Variants in RANBP17 observed in about 807,000 individuals in gnomAD.
RANBP17 encodes the protein RAN binding protein 17, also known as ran-binding protein 17.
Under a neutral mutation model 141.2 loss-of-function variants are expected in RANBP17, and 158 were observed. That is an observed-to-expected ratio of 1.12 (90% CI 0.98 to 1.28). RANBP17 has a LOEUF of 1.28. Ranked by LOEUF, RANBP17 falls within the 50% of genes most tolerant of loss-of-function variation. RANBP17 has a pLI of 0.00. For synonymous variants in RANBP17, 430 were observed against 450.0 expected, an observed-to-expected ratio of 0.96 and a Z score of 0.56; for missense variants, 1,438 against 1,290.7, an observed-to-expected ratio of 1.11 and a Z score of -1.75.
At chr5:171,075,404 G>A (rs1013353494) in intron 14 of RANBP17, among the ~76,000 whole-genome samples, 1 of 152,056 alleles carries the variant, frequency 6.6e-6, no homozygotes, top group Non-Finnish European at 1.5e-5. Flanking sequence ...CTACAACATG[G>A]GTGAAACTTC....
chr5:171,010,072 G>A (rs1027362956), intron 14 of RANBP17, among the ~76,000 whole-genome samples: 5 of 152,144 alleles, frequency 3.3e-5, no homozygotes, highest in Non-Finnish European at 7.4e-5. Context: ...ATCCCAGAAA[G>A]GAAGGAGCCA....
intron 14 of RANBP17, among the ~76,000 whole-genome samples, chr5:171,034,786 A>G (rs1456831072): frequency 2.0e-5 from 3 of 152,140 alleles, no homozygotes; most frequent in African/African-American, 4.8e-5. Context: ...TTGGGGGAAA[A>G]AGAGAGAAGA....
rs34555837 is a variant in RANBP17 at position 171,071,653 on chromosome 5, CAAAAAAA to C, written c.1711-98462_1711-98456del. Among the ~76,000 whole-genome samples, 10 of 69,616 alleles carry C rather than the reference CAAAAAAA, an allele frequency of 1.4e-4. No individual in the cohort carries two copies. The Admixed American group carries it at 2.0e-3, about 14-fold the overall frequency. 45.7% of individuals were successfully genotyped at this position (69,616 alleles called of 152,430 possible). The stretch of plus-strand genomic sequence containing the variant: ...TACTGGAACAATGAACAGCTTTATG[CAAAAAAA>C]AAAAAAAAAAAAAAGACCCTCAATA... On this transcript the variant is annotated intron_variant, in intron 14 of 27. Coordinates refer to ENST00000523189, the MANE Select transcript of RANBP17 (RefSeq NM_022897.5).
chr5:170,919,283 A>G (rs1005571023), intron 10 of RANBP17, among the ~76,000 whole-genome samples, 158 bp from the exon 11 acceptor site: 2 of 152,040 alleles, frequency 1.3e-5, no homozygotes, highest in Non-Finnish European at 2.9e-5. Context: ...GTTTCTTTAT[A>G]CTTTTTTGCA....
rs1207835650 is a variant in RANBP17, at chr5:171,075,727, C to T, written c.1711-94403C>T. Among the ~76,000 whole-genome samples, 8 of 152,062 alleles carry T rather than the reference C, an allele frequency of 5.3e-5. No individual in the cohort carries two copies. In the South Asian group the frequency reaches 6.2e-4, roughly 12 times the overall value. ...CAGCACTTTGGGAGGCCAAGGTGGG[C>T]AGATTGCTTGAGTCCAGCAGTTTGA... On this transcript the variant is annotated intron_variant, in intron 14 of 27. Transcript: ENST00000523189.
chr5:170,911,291 G>A, intron 7 of RANBP17, 157 bp downstream of exon 7: 2 of 639,144 alleles, frequency 3.1e-6, no homozygotes, highest in South Asian at 4.2e-5. Flanking sequence ...ATATTGAAAT[G>A]TTTTCTGTAA....
At chr5:171,008,858 T>C (rs1180842999) in intron 14 of RANBP17, among the ~76,000 whole-genome samples, 4 of 152,236 alleles carry the variant, frequency 2.6e-5, no homozygotes, top group Admixed American at 6.5e-5. Flanking sequence ...ACTGACCTTA[T>C]GTTTTCAATT....
chr5:171,063,322 G>A (rs977836959), intron 14 of RANBP17, among the ~76,000 whole-genome samples: 5 of 152,168 alleles, frequency 3.3e-5, no homozygotes, highest in Non-Finnish European at 5.9e-5. Context: ...TGATGGTAAT[G>A]TACAGATGGG....
At position 170,883,833 on chromosome 5, in the gene RANBP17, G is replaced by A. The variant is rs116989774; in HGVS notation, c.256+1937G>A. On this transcript the variant is annotated intron_variant, in intron 3 of 27. Coordinates refer to ENST00000523189, the MANE Select transcript of RANBP17 (RefSeq NM_022897.5). ...TAATTCTTTGTTGTCTGGGTATACC[G>A]CAGTTTATCCATTCACTTACTGAAG... 7.2e-3 allele frequency among the ~76,000 whole-genome samples: 1,102 copies of A among 152,064 alleles called. 40 individuals are homozygous for A. Among genetic ancestry groups the A allele is most frequent in the East Asian group, 0.043 (220 of 5,176 alleles).
chr5:171,009,960 A>G lies in RANBP17; in HGVS notation c.1710+41583A>G, dbSNP rs1202413286. On this transcript the variant is annotated intron_variant, in intron 14 of 27. Transcript: ENST00000523189. The stretch of plus-strand genomic sequence containing the variant: ...ATTCTTTAAATAAATGCACAAGTTT[A>G]TGCAGTATATGGGAATACAGCTCAA... Among the ~76,000 whole-genome samples, 5 of 152,178 alleles carry G rather than the reference A, an allele frequency of 3.3e-5. No individual in the cohort carries two copies. In the East Asian group the frequency reaches 9.6e-4, roughly 29 times the overall value.
At chr5:171,097,605 C>CTTT (rs997637320) in intron 14 of RANBP17, among the ~76,000 whole-genome samples, 36 of 138,852 alleles carry the variant, frequency 2.6e-4, no homozygotes, top group Admixed American at 1.6e-3. Context: ...TGTATGTAGT[C>CTTT]TTTTTATTAT....
At position 171,108,410 on chromosome 5, in the gene RANBP17, T is replaced by TTTTA. The variant is rs765427122; in HGVS notation, c.1711-61704_1711-61701dup. ...ATTAAAGTTCAAGTGAAATCATGTA[T>TTTTA]TTTATTTATTTATTTATTTTGAGAC... On this transcript the variant is annotated intron_variant, in intron 14 of 27. Transcript: ENST00000523189. Among the ~76,000 whole-genome samples, 16 of 152,184 alleles carry TTTTA rather than the reference T, an allele frequency of 1.1e-4. No individual in the cohort carries two copies. The South Asian group carries it at 1.2e-3, about 12-fold the overall frequency.
chr5:171,184,766 C>A (rs139933371), intron 18 of RANBP17, among the ~76,000 whole-genome samples: 57 of 152,156 alleles, frequency 3.7e-4, no homozygotes, highest in African/African-American at 1.3e-3. Context: ...CAAGTCACAC[C>A]GTTTTTGTTT....
intron 14 of RANBP17, among the ~76,000 whole-genome samples, chr5:171,108,118 G>A (rs1754976518): frequency 1.3e-5 from 2 of 151,920 alleles, no homozygotes; most frequent in Non-Finnish European, 2.9e-5. Flanking sequence ...CCTGTTGTGT[G>A]CTTGACAAAT....
intron 14 of RANBP17, among the ~76,000 whole-genome samples, chr5:170,986,374 G>T (rs979285406): frequency 6.6e-6 from 1 of 151,828 alleles, no homozygotes; most frequent in South Asian, 2.1e-4. Flanking sequence ...GCATTAAGCC[G>T]ATAAGTGCTC....
rs560934851 is a variant in RANBP17, at chr5:170,883,157, A to G, written c.256+1261A>G. Among the ~76,000 whole-genome samples the G allele has an allele frequency of 3.3e-5, 5 of 152,336 alleles. No individual in the cohort carries two copies. In the East Asian group the frequency reaches 9.6e-4, roughly 29 times the overall value. ...GATTTATCCACTGTTGGACTTGCAT[A>G]CTTAAGAAAGCAAAGGAAAGGAGTT... On this transcript the variant is annotated intron_variant, in intron 3 of 27. Coordinates refer to ENST00000523189, the MANE Select transcript of RANBP17 (RefSeq NM_022897.5).
intron 14 of RANBP17, among the ~76,000 whole-genome samples, chr5:171,093,166 C>T (rs1786429087): frequency 6.6e-6 from 1 of 151,098 alleles, no homozygotes; most frequent in South Asian, 2.1e-4. Flanking sequence ...GCCAGGATCA[C>T]ACCGTTGCAC....
At chr5:171,012,540 T>C (rs560702466) in intron 14 of RANBP17, among the ~76,000 whole-genome samples, 2 of 152,154 alleles carry the variant, frequency 1.3e-5, no homozygotes, top group African/African-American at 4.8e-5. Flanking sequence ...TCTCACTCTT[T>C]ACTGAGAAGA....
intron 14 of RANBP17, among the ~76,000 whole-genome samples, chr5:170,996,127 G>T (rs941462914): frequency 6.6e-6 from 1 of 152,020 alleles, no homozygotes; most frequent in East Asian, 1.9e-4. Flanking sequence ...TTTAAGAAAA[G>T]CTCATGGAAA....
Sources: allele counts gnomAD v4.1 joint callset (sites outside exome capture counted in the v4.1 genomes callset), GRCh38; gene constraint gnomAD v4.1.1; transcripts MANE v1.5; gene names NCBI Gene and HGNC (gene_info 2026-07-23, HGNC 2026-07-21).